The following KCND2 variants were observed in gnomAD, a reference collection of about 807,000 sequenced individuals.
The protein encoded by KCND2 is A-type voltage-gated potassium channel KCND2.
KCND2 carries 16 observed loss-of-function variants against 54.4 expected under a neutral mutation model. That is an observed-to-expected ratio of 0.29 (90% CI 0.20 to 0.45). KCND2 has a LOEUF of 0.45. Among genes scored for constraint, KCND2 ranks in the 20% least tolerant of loss-of-function variants. The probability of loss-of-function intolerance (pLI) is 1.00; values close to 1 mark genes in which losing one functional copy is unlikely to be tolerated. For missense variants in KCND2, 486 were observed against 824.2 expected (o/e 0.59, Z 5.02); for synonymous variants, 317 against 310.7 (o/e 1.02, Z -0.21).
chr7:120,559,496 G>C (rs1188736842), intron 1 of KCND2, among the ~76,000 whole-genome samples: 1 of 152,094 alleles, frequency 6.6e-6, no homozygotes, highest in African/African-American at 2.4e-5. Flanking sequence ...AGAGACTCAG[G>C]GCTGAATATT....
intron 1 of KCND2, among the ~76,000 whole-genome samples, chr7:120,428,343 G>C (rs1157376015): frequency 6.6e-6 from 1 of 152,086 alleles, no homozygotes; most frequent in Non-Finnish European, 1.5e-5. Flanking sequence ...TAATGAAACA[G>C]GTGCGAATAC....
intron 1 of KCND2, among the ~76,000 whole-genome samples, chr7:120,728,285 T>C (rs928598341): frequency 8.0e-5 from 12 of 149,122 alleles, no homozygotes; most frequent in Admixed American, 2.7e-4. Context: ...TCTTCTTCTT[T>C]TTTTTTTTTT....
intron 1 of KCND2, among the ~76,000 whole-genome samples, chr7:120,666,933 T>C (rs1791934613): frequency 6.6e-6 from 1 of 152,042 alleles, no homozygotes; most frequent in African/African-American, 2.4e-5. Context: ...AGTTCTCAAA[T>C]GTATTCTTTT....
intron 4 of KCND2, among the ~76,000 whole-genome samples, chr7:120,743,982 AGGCGCAGTGGCTCACGTCTG>A: frequency 6.6e-6 from 1 of 152,186 alleles, no homozygotes; most frequent in Non-Finnish European, 1.5e-5. Context: ...AATGTTGGCC[AGGCGCAGTGGCTCACGTCTG>A]TAATCCCAGC....
intron 1 of KCND2, among the ~76,000 whole-genome samples, chr7:120,383,939 G>A (rs1352388525): frequency 2.6e-5 from 4 of 152,004 alleles, no homozygotes. Flanking sequence ...ATTACATCTG[G>A]CAAATGTACA....
chr7:120,404,052 A>C (rs1350901463), intron 1 of KCND2, among the ~76,000 whole-genome samples: 1 of 152,166 alleles, frequency 6.6e-6, no homozygotes, highest in Non-Finnish European at 1.5e-5. Flanking sequence ...CCACACATAA[A>C]ATTTCAGTTT....
At chr7:120,456,623 A>T (rs1430206502) in intron 1 of KCND2, among the ~76,000 whole-genome samples, 1 of 152,246 alleles carries the variant, frequency 6.6e-6, no homozygotes, top group Non-Finnish European at 1.5e-5. Flanking sequence ...TGATAATAAC[A>T]TGTATAAAGC....
At chr7:120,299,979 A>G (rs546187107) in intron 1 of KCND2, among the ~76,000 whole-genome samples, 2 of 152,292 alleles carry the variant, frequency 1.3e-5, no homozygotes, top group South Asian at 2.1e-4. Context: ...TTATTTTGGC[A>G]TATATTATTA....
chr7:120,524,149 C>T (rs1298071614), intron 1 of KCND2, among the ~76,000 whole-genome samples: 2 of 151,752 alleles, frequency 1.3e-5, no homozygotes, highest in African/African-American at 2.4e-5. Flanking sequence ...GCAGAAGAAT[C>T]GCCGGAACCC....
At chr7:120,425,884 A>G (rs908454364) in intron 1 of KCND2, among the ~76,000 whole-genome samples, 9 of 149,014 alleles carry the variant, frequency 6.0e-5, no homozygotes, top group African/African-American at 2.2e-4. Flanking sequence ...TTCCTCTTAC[A>G]TTTCTGGATT....
At chr7:120,522,176 T>C (rs1447294926) in intron 1 of KCND2, among the ~76,000 whole-genome samples, 2 of 152,300 alleles carry the variant, frequency 1.3e-5, no homozygotes, top group East Asian at 3.9e-4. Flanking sequence ...TTTGTCCCTT[T>C]TGTCCTCATC....
intron 1 of KCND2, among the ~76,000 whole-genome samples, chr7:120,389,013 CT>C (rs937001427): frequency 6.6e-6 from 1 of 151,486 alleles, no homozygotes; most frequent in Non-Finnish European, 1.5e-5. Context: ...TGCTGGTCTA[CT>C]TTAATTGTCT....
chr7:120,564,542 C>T (rs1584830107), intron 1 of KCND2, among the ~76,000 whole-genome samples: 1 of 152,024 alleles, frequency 6.6e-6, no homozygotes, highest in East Asian at 1.9e-4. Context: ...AATAAGACAA[C>T]CTTAAAAATT....
intron 1 of KCND2, among the ~76,000 whole-genome samples, chr7:120,571,456 G>A (rs1792365228): frequency 6.6e-6 from 1 of 152,126 alleles, no homozygotes; most frequent in African/African-American, 2.4e-5. Context: ...AGGAACAGAG[G>A]GAGAGAAGGA....
chr7:120,510,274 G>T (rs1334630198), intron 1 of KCND2, among the ~76,000 whole-genome samples: 1 of 152,050 alleles, frequency 6.6e-6, no homozygotes, highest in East Asian at 1.9e-4. Context: ...AAACTTCTTG[G>T]CATTGACACT....
intron 1 of KCND2, among the ~76,000 whole-genome samples, chr7:120,642,236 T>A (rs1283687657): frequency 6.6e-6 from 1 of 152,034 alleles, no homozygotes; most frequent in African/African-American, 2.4e-5. Flanking sequence ...ACACTCAACA[T>A]GTAGACTAGT....
rs1450196164 is a variant in KCND2 at position 120,682,281 on chromosome 7, A to G, written c.1116-50622A>G. On this transcript the variant is annotated intron_variant, in intron 1 of 5. Coordinates refer to ENST00000331113, the MANE Select transcript of KCND2 (RefSeq NM_012281.3). ...ATGTATGGAAGAATTAAAGATATTAATAAACATGGGGTATTAATACACAAT... is the reference window on the plus strand; with the variant it reads ...ATGTATGGAAGAATTAAAGATATTAGTAAACATGGGGTATTAATACACAAT... Among the ~76,000 whole-genome samples the G allele has an allele frequency of 3.3e-5, 5 of 152,138 alleles. No homozygotes were observed. In the East Asian group the frequency reaches 5.8e-4, roughly 18 times the overall value.
chr7:120,667,106 G>A (rs1791936509), intron 1 of KCND2, among the ~76,000 whole-genome samples: 1 of 152,026 alleles, frequency 6.6e-6, no homozygotes, highest in African/African-American at 2.4e-5. Flanking sequence ...CTTCTTGGGT[G>A]TAGAGTAGCA....
chr7:120,741,508 T>A (rs748003036), intron 2 of KCND2, 26 bp from the exon 3 acceptor site: 8 of 1,461,552 alleles, frequency 5.5e-6, no homozygotes, highest in Non-Finnish European at 7.7e-6. Context: ...TAAATGTTAA[T>A]GGGATGTTTA....
Sources: gnomAD v4.1 joint callset for allele counts (sites outside exome capture counted in the v4.1 genomes callset) on GRCh38, gnomAD v4.1.1 for gene constraint, MANE v1.5 for transcripts, NCBI Gene and HGNC (gene_info 2026-07-23, HGNC 2026-07-21) for gene names.